Variants in PRSS23 observed in about 807,000 individuals in gnomAD.
PRSS23 encodes the protein serine protease 23, also known as protease, serine 23.
PRSS23 carries 25 observed loss-of-function variants against 34.7 expected under a neutral mutation model. That is an observed-to-expected ratio of 0.72 (90% CI 0.53 to 1.01). The LOEUF (loss-of-function observed/expected upper bound fraction) is 1.01. Ranked by LOEUF, PRSS23 falls within the 50% of genes least tolerant of loss-of-function variation. PRSS23 has a pLI of 0.00. For missense variants in PRSS23, 445 were observed against 475.6 expected (o/e 0.94, Z 0.60); for synonymous variants, 176 against 186.6 (o/e 0.94, Z 0.46).
chr11:86,888,133 A>AC (rs1948817580), intron 2 of PRSS23, among the ~76,000 whole-genome samples: 1 of 145,054 alleles, frequency 6.9e-6, no homozygotes, highest in East Asian at 2.0e-4. Flanking sequence ...AAAACAAAAC[A>AC]AAACAAAACC....
rs1948135777 is a variant in PRSS23 at position 86,808,507 on chromosome 11, C to G, written c.864C>G (p.Gly288=). Residue 288 remains glycine, a synonymous_variant, in exon 2 of 2, where the codon GGC becomes GGG. Transcript: ENST00000280258. The part of the protein sequence containing the change: ...HFSGYDNDRP[G]NLVYRFCDVK... ...CTGGTTATGACAATGACCGACCAGG[C>G]AATTTGGTGTATCGCTTCTGTGACG... 2.5e-6 allele frequency: 4 copies of G among 1,614,216 alleles called. No individual in the cohort carries two copies. In the South Asian group the frequency reaches 3.3e-5, roughly 13 times the overall value.
chr11:86,889,458 C>T (rs1948826745), intron 2 of PRSS23, among the ~76,000 whole-genome samples: 1 of 152,160 alleles, frequency 6.6e-6, no homozygotes, highest in Non-Finnish European at 1.5e-5. Flanking sequence ...GTCTCTGCAT[C>T]CAAAATGGTG....
intron 2 of PRSS23, among the ~76,000 whole-genome samples, chr11:86,862,912 G>T (rs1315810177): frequency 1.3e-5 from 2 of 151,862 alleles, no homozygotes; most frequent in Admixed American, 6.6e-5. Flanking sequence ...GTCACAGAAG[G>T]TGTACACCCA....
chr11:86,863,484 A>C (rs1293578657), intron 2 of PRSS23, among the ~76,000 whole-genome samples: 2 of 152,202 alleles, frequency 1.3e-5, no homozygotes, highest in African/African-American at 4.8e-5. Context: ...GCCTGGATTC[A>C]GGATGGGGGC....
intron 2 of PRSS23, among the ~76,000 whole-genome samples, chr11:86,938,579 A>C (rs899882585): frequency 1.3e-5 from 2 of 152,120 alleles, no homozygotes; most frequent in African/African-American, 4.8e-5. Flanking sequence ...GCTGGAAGAG[A>C]GGGGAAGAGC....
At chr11:86,806,355 T>C (rs1421677673) in intron 1 of PRSS23, among the ~76,000 whole-genome samples, 2 of 152,230 alleles carry the variant, frequency 1.3e-5, no homozygotes, top group Non-Finnish European at 2.9e-5. Context: ...AGCACCCATC[T>C]GAAACATCAG....
chr11:86,923,624 A>C (rs935502320), intron 2 of PRSS23, among the ~76,000 whole-genome samples: 14 of 152,222 alleles, frequency 9.2e-5, no homozygotes, highest in African/African-American at 3.4e-4. Flanking sequence ...TTCTATGATC[A>C]TATGAACTTT....
At chr11:86,792,110 C>G (rs987419654) in intron 1 of PRSS23, among the ~76,000 whole-genome samples, 1 of 152,188 alleles carries the variant, frequency 6.6e-6, no homozygotes, top group African/African-American at 2.4e-5. Flanking sequence ...GAGTTCTCCA[C>G]CCTTCACTAC....
In PRSS23 at chr11:86,832,768, T is replaced by C. The variant is rs1478637049; in HGVS notation, c.206+9175T>C. On this transcript the variant is annotated intron_variant, in intron 2 of 2. Transcript: ENST00000533902. ...AGGCTTTATACTTCCCACCTGATGA[T>C]GAAACACTCAGCATGGAGGAAACAA... 2.1e-5 allele frequency: 6 copies of C among 288,106 alleles called. No homozygotes were observed. In the East Asian group the frequency reaches 5.3e-4, roughly 26 times the overall value. 17.8% of individuals were successfully genotyped at this position (288,106 alleles called of 1,614,324 possible). A position where few individuals can be genotyped will look rare whatever the true frequency, so the allele number is the denominator to read the frequency against.
exon 3 of PRSS23, chr11:86,951,500 T>G: frequency 6.2e-7 from 1 of 1,614,126 alleles, no homozygotes; most frequent in Non-Finnish European, 8.5e-7. Context: ...CTTTTGAAGA[T>G]TTGACCGAAT....
intron 2 of PRSS23, among the ~76,000 whole-genome samples, chr11:86,916,166 A>G (rs1266589859): frequency 6.6e-6 from 1 of 152,246 alleles, no homozygotes; most frequent in East Asian, 1.9e-4. Flanking sequence ...ATTTAAAAAG[A>G]AAGTTTATAC....
intron 2 of PRSS23, among the ~76,000 whole-genome samples, chr11:86,845,791 AG>A (rs1948482086): frequency 1.3e-5 from 2 of 152,314 alleles, no homozygotes; most frequent in South Asian, 4.1e-4. Flanking sequence ...CAAAACTAAA[AG>A]GAATGTTAAC....
At chr11:86,943,601 G>A (rs1390464003) in intron 2 of PRSS23, among the ~76,000 whole-genome samples, 2 of 151,142 alleles carry the variant, frequency 1.3e-5, no homozygotes, top group East Asian at 2.0e-4. Context: ...TCCAGCCTGG[G>A]TGACAGAGCA....
intron 2 of PRSS23, among the ~76,000 whole-genome samples, chr11:86,829,304 C>T (rs1948330705): frequency 6.6e-6 from 1 of 152,244 alleles, no homozygotes; most frequent in Non-Finnish European, 1.5e-5. Context: ...GAGGCTTCTG[C>T]ATTCTTCATG....
chr11:86,861,127 C>G (rs1948610445), intron 2 of PRSS23, among the ~76,000 whole-genome samples: 2 of 151,800 alleles, frequency 1.3e-5, no homozygotes, highest in Admixed American at 1.3e-4. Context: ...GTCCACCCCC[C>G]TGTGATATAA....
chr11:86,862,672 G>A (rs1252124370), intron 2 of PRSS23, among the ~76,000 whole-genome samples: 1 of 151,860 alleles, frequency 6.6e-6, no homozygotes, highest in Non-Finnish European at 1.5e-5. Context: ...TGTACACCCT[G>A]TGATATTATT....
chr11:86,809,066 G>T lies in PRSS23; in HGVS notation c.*271G>T. 1 of 339,902 alleles carries T rather than the reference G, an allele frequency of 2.9e-6. No individual in the cohort carries two copies. Among genetic ancestry groups the T allele is most frequent in the South Asian group, 1.2e-4 (1 of 8,202 alleles). The allele number at this position is 339,902 out of a possible 1,614,324, so 21.1% of individuals were successfully genotyped here. On this transcript the variant is annotated 3_prime_UTR_variant, in exon 2 of 2. Coordinates refer to ENST00000280258, the MANE Select transcript of PRSS23 (RefSeq NM_007173.6). ...AAAAAATACTGATTTGGGGCAATGA[G>T]GAATATTTGACAATTAAGTTAATCT... is the stretch of plus-strand genomic sequence containing the variant.
At chr11:86,805,224 C>T (rs1243756860) in intron 1 of PRSS23, among the ~76,000 whole-genome samples, 3 of 152,116 alleles carry the variant, frequency 2.0e-5, no homozygotes, top group Non-Finnish European at 4.4e-5. Context: ...AGAGAAAAGG[C>T]TGCTCAAGTC....
At chr11:86,919,644 T>C (rs1320834363) in intron 2 of PRSS23, among the ~76,000 whole-genome samples, 2 of 152,228 alleles carry the variant, frequency 1.3e-5, no homozygotes, top group African/African-American at 2.4e-5. Context: ...ATTAAGTTGT[T>C]ACGTGATCTT....
Sources: allele counts gnomAD v4.1 joint callset (sites outside exome capture counted in the v4.1 genomes callset), GRCh38; gene constraint gnomAD v4.1.1; transcripts MANE v1.5; gene names NCBI Gene and HGNC (gene_info 2026-07-23, HGNC 2026-07-21).